Variants in TXNRD3 observed in about 807,000 individuals in gnomAD.
TXNRD3 encodes TXNRD3 neighbor gene protein.
A neutral mutation model predicts 78.2 loss-of-function variants in TXNRD3; 68 were observed. The ratio of observed to expected loss-of-function variants is 0.87; its 90% CI spans 0.72 to 1.06. The LOEUF is 1.06. Among genes scored for constraint, TXNRD3 ranks in the 50% least tolerant of loss-of-function variants. TXNRD3 has a pLI of 0.00. For missense variants in TXNRD3, 751 were observed against 809.5 expected (o/e 0.93, Z 0.88); for synonymous variants, 296 against 300.1 (o/e 0.99, Z 0.14).
intron 1 of TXNRD3, among the ~76,000 whole-genome samples, chr3:126,652,091 T>C (rs995206527): frequency 1.3e-5 from 2 of 152,186 alleles, no homozygotes; most frequent in African/African-American, 4.8e-5. Flanking sequence ...AGAGGTTTAA[T>C]TGGCTCACGG....
At chr3:126,635,682 C>T (rs894852188) in intron 6 of TXNRD3, among the ~76,000 whole-genome samples, 1 of 152,154 alleles carries the variant, frequency 6.6e-6, no homozygotes, top group African/African-American at 2.4e-5. Context: ...ACTGTCTTCA[C>T]AATATTGAGA....
rs180708800 is a variant in TXNRD3 at position 126,651,648 on chromosome 3, T to C, written c.243+3100A>G. On this transcript the variant is annotated intron_variant, in intron 1 of 15. Transcript: ENST00000524230. Reference sequence around the variant, plus strand: ...TACAAAGGACAACTCTTAAGAAATATAGATAGAAAACAGACCCCAGAAATA... The same window carrying C: ...TACAAAGGACAACTCTTAAGAAATACAGATAGAAAACAGACCCCAGAAATA... 4.2e-3 allele frequency among the ~76,000 whole-genome samples: 632 copies of C among 152,170 alleles called. 3 individuals carry two copies. Among genetic ancestry groups the C allele is most frequent in the African/African-American group, 0.015 (602 of 41,498 alleles).
chr3:126,634,967 G>T (rs573602111), intron 6 of TXNRD3, among the ~76,000 whole-genome samples: 3 of 152,238 alleles, frequency 2.0e-5, no homozygotes, highest in Admixed American at 6.5e-5. Context: ...CAACACACAC[G>T]GCCCTTTCTA....
chr3:126,636,657 A>G (rs527444869), intron 6 of TXNRD3, among the ~76,000 whole-genome samples: 1 of 152,238 alleles, frequency 6.6e-6, no homozygotes, highest in East Asian at 1.9e-4. Flanking sequence ...TGTTCCTTCA[A>G]GACACTACCA....
intron 3 of TXNRD3, among the ~76,000 whole-genome samples, chr3:126,644,998 C>T (rs1308477829): frequency 2.6e-5 from 4 of 152,214 alleles, no homozygotes; most frequent in South Asian, 2.1e-4. Context: ...GTTAGAGGTT[C>T]GATGTGTGAT....
At chr3:126,637,305 A>G (rs1932932201) in intron 6 of TXNRD3, among the ~76,000 whole-genome samples, 1 of 152,134 alleles carries the variant, frequency 6.6e-6, no homozygotes, top group Admixed American at 6.5e-5. Flanking sequence ...GCATATCTGT[A>G]TGAGTTTCCC....
intron 10 of TXNRD3, 60 bp downstream of exon 10, chr3:126,629,319 T>C (rs1261501795): frequency 8.4e-7 from 1 of 1,186,894 alleles, no homozygotes; most frequent in East Asian, 2.7e-5. Context: ...CCCATAAGTT[T>C]CATTTCTGTT....
At chr3:126,653,600 C>G (rs777245) in intron 1 of TXNRD3, among the ~76,000 whole-genome samples, 133,924 of 152,292 alleles carry the variant, frequency 0.88, 59,591 homozygotes, top group Non-Finnish European at 0.96. Flanking sequence ...AAACTAGGAG[C>G]AGAGTAAATT....
chr3:126,653,030 G>A (rs1933427242), intron 1 of TXNRD3, among the ~76,000 whole-genome samples: 1 of 152,144 alleles, frequency 6.6e-6, no homozygotes, highest in Non-Finnish European at 1.5e-5. Flanking sequence ...AACCTCTCCT[G>A]ACTCACCAGA....
intron 13 of TXNRD3, among the ~76,000 whole-genome samples, chr3:126,612,520 C>A (rs147530960): frequency 1.1e-4 from 16 of 152,204 alleles, no homozygotes; most frequent in Non-Finnish European, 1.3e-4. Context: ...GAGTCTCACT[C>A]CAGGCTGGAG....
intron 10 of TXNRD3, among the ~76,000 whole-genome samples, chr3:126,624,134 A>T (rs933656098): frequency 2.6e-5 from 4 of 152,198 alleles, no homozygotes; most frequent in Non-Finnish European, 5.9e-5. Context: ...TATGAGGTTC[A>T]TATGTTGGAA....
intron 14 of TXNRD3, among the ~76,000 whole-genome samples, chr3:126,610,195 G>A (rs1938166527): frequency 6.6e-6 from 1 of 152,194 alleles, no homozygotes; most frequent in South Asian, 2.1e-4. Context: ...CTGTTATACT[G>A]AGAATAAGAT....
At chr3:126,622,674 A>G (rs1490246484) in intron 10 of TXNRD3, 134 bp from the exon 11 acceptor site, 3 of 661,450 alleles carry the variant, frequency 4.5e-6, no homozygotes, top group Non-Finnish European at 7.3e-6. Flanking sequence ...TAAAGCTGAC[A>G]GCTTAAGGTG....
chr3:126,649,821 G>A (rs561481953), intron 1 of TXNRD3, among the ~76,000 whole-genome samples: 3 of 152,316 alleles, frequency 2.0e-5, no homozygotes, highest in East Asian at 1.9e-4. Flanking sequence ...AAAGTCAGAC[G>A]GTGGTCATGA....
At chr3:126,613,789 T>C (rs1358550939) in intron 13 of TXNRD3, among the ~76,000 whole-genome samples, 3 of 152,260 alleles carry the variant, frequency 2.0e-5, no homozygotes, top group Non-Finnish European at 4.4e-5. Flanking sequence ...CAGTACATAA[T>C]ACTTGATAAA....
At position 126,644,065 on chromosome 3, in the gene TXNRD3, C is replaced by A. The variant is rs1472968739; in HGVS notation, c.520-12G>T. On this transcript the variant is annotated splice_polypyrimidine_tract_variant and intron_variant, in intron 4 of 15. Coordinates refer to ENST00000524230, the MANE Select transcript of TXNRD3 (RefSeq NM_052883.3). Reference sequence around the variant, plus strand: ...AAAATGGCAGCTTCCTACAAACGAACAACAACAAAAATTACGTATAAAGAT... The same window carrying A: ...AAAATGGCAGCTTCCTACAAACGAAAAACAACAAAAATTACGTATAAAGAT... 2 of 1,535,378 alleles carry A rather than the reference C, an allele frequency of 1.3e-6. No individual in the cohort carries two copies. Among genetic ancestry groups the A allele is most frequent in the Non-Finnish European group, 1.7e-6 (2 of 1,146,700 alleles).
chr3:126,651,703 T>C (rs962140511), intron 1 of TXNRD3, among the ~76,000 whole-genome samples: 4 of 152,110 alleles, frequency 2.6e-5, no homozygotes, highest in Non-Finnish European at 5.9e-5. Flanking sequence ...ACCTGATCAA[T>C]GATGAGTGAG....
chr3:126,648,047 A>T (rs1464028245), intron 1 of TXNRD3, among the ~76,000 whole-genome samples: 1 of 152,240 alleles, frequency 6.6e-6, no homozygotes, highest in East Asian at 1.9e-4. Context: ...AAATCAACAC[A>T]CAAAAATCAG....
chr3:126,644,836 TAA>T (rs1430896481), intron 3 of TXNRD3, among the ~76,000 whole-genome samples: 7 of 152,258 alleles, frequency 4.6e-5, no homozygotes, highest in Non-Finnish European at 8.8e-5. Flanking sequence ...TGGCTTCTCA[TAA>T]ATCGATCTAA....
Sources: allele counts gnomAD v4.1 joint callset (sites outside exome capture counted in the v4.1 genomes callset), GRCh38; gene constraint gnomAD v4.1.1; transcripts MANE v1.5; gene names NCBI Gene and HGNC (gene_info 2026-07-23, HGNC 2026-07-21).